The following PDHX variants were observed in gnomAD, a reference collection of about 807,000 sequenced individuals.
PDHX encodes pyruvate dehydrogenase protein X component, mitochondrial.
PDHX carries 33 observed loss-of-function variants against 55.3 expected under a neutral mutation model. The ratio of observed to expected loss-of-function variants is 0.60; its 90% CI spans 0.45 to 0.80. PDHX has a LOEUF of 0.80. PDHX is among the 30% of genes least tolerant of loss of function. The pLI is 0.00. For synonymous variants in PDHX, 226 were observed against 219.4 expected, an observed-to-expected ratio of 1.03 and a Z score of -0.27; for missense variants, 622 against 619.9, an observed-to-expected ratio of 1.00 and a Z score of -0.04.
chr11:34,950,408 G>A (rs935830749), intron 3 of PDHX, among the ~76,000 whole-genome samples: 6 of 148,696 alleles, frequency 4.0e-5, no homozygotes, highest in Middle Eastern at 3.5e-3. Context: ...AAGTTTTATG[G>A]TACATGTGCA....
At chr11:34,934,461 A>G (rs1036357927) in intron 2 of PDHX, among the ~76,000 whole-genome samples, 2 of 152,160 alleles carry the variant, frequency 1.3e-5, no homozygotes, top group Admixed American at 6.5e-5. Flanking sequence ...TATAGCATAC[A>G]AGAGATTTGA....
At chr11:34,992,596 G>C (rs1443412715) in intron 10 of PDHX, among the ~76,000 whole-genome samples, 1 of 152,088 alleles carries the variant, frequency 6.6e-6, no homozygotes, top group Non-Finnish European at 1.5e-5. Context: ...AACGTTCGTT[G>C]GACATTGACT....
chr11:34,927,331 A>G (rs1854050148), intron 1 of PDHX, among the ~76,000 whole-genome samples: 1 of 152,150 alleles, frequency 6.6e-6, no homozygotes, highest in Non-Finnish European at 1.5e-5. Flanking sequence ...AACTAATACT[A>G]GGAAACGTAA....
rs528738608 is a variant in PDHX at position 34,987,634 on chromosome 11, C to T, written c.1182+2906C>T. Among the ~76,000 whole-genome samples, 32 of 151,928 alleles carry T rather than the reference C, an allele frequency of 2.1e-4. No individual in the cohort carries two copies. The South Asian group carries it at 6.7e-3, about 32-fold the overall frequency. On this transcript the variant is annotated intron_variant, in intron 9 of 10. Transcript: ENST00000227868. ...GATTGTTTAAACGGTGGCTTAAAAA[C>T]TAAATATTTTAGATAGGCTCTATAG... is the stretch of plus-strand genomic sequence containing the variant.
chr11:34,959,369 C>T (rs921311558), intron 4 of PDHX, among the ~76,000 whole-genome samples: 19 of 150,686 alleles, frequency 1.3e-4, no homozygotes, highest in African/African-American at 3.4e-4. Flanking sequence ...CACAATGAGA[C>T]ACCCCTTCAT....
At chr11:34,957,731 T>G (rs879582652) in intron 4 of PDHX, 148 bp downstream of exon 4, 65 of 418,580 alleles carry the variant, frequency 1.6e-4, no homozygotes, top group African/African-American at 4.2e-4. Context: ...GAGTGTGTGT[T>G]TTTTTTTTTA....
intron 4 of PDHX, among the ~76,000 whole-genome samples, chr11:34,957,800 C>A (rs1200503752): frequency 6.6e-6 from 1 of 151,872 alleles, no homozygotes; most frequent in Non-Finnish European, 1.5e-5. Flanking sequence ...GTTCCAGGTA[C>A]TCTAAAAGCC....
At chr11:34,960,124 T>C (rs1160386137) in intron 4 of PDHX, among the ~76,000 whole-genome samples, 1 of 152,226 alleles carries the variant, frequency 6.6e-6, no homozygotes, top group Non-Finnish European at 1.5e-5. Context: ...CAATTGGTAG[T>C]TGTGATGAGC....
chr11:34,964,570 C>T (rs1855086599), intron 5 of PDHX, among the ~76,000 whole-genome samples: 2 of 152,176 alleles, frequency 1.3e-5, no homozygotes, highest in East Asian at 1.9e-4. Context: ...CGCCACTGCA[C>T]TCCAGCCTGG....
At chr11:34,964,279 T>C (rs576677262) in intron 5 of PDHX, among the ~76,000 whole-genome samples, 1 of 152,278 alleles carries the variant, frequency 6.6e-6, no homozygotes, top group South Asian at 2.1e-4. Context: ...ATAATTAAGA[T>C]TTATACTTCA....
intron 2 of PDHX, among the ~76,000 whole-genome samples, chr11:34,941,470 T>C (rs1428787508): frequency 6.6e-6 from 1 of 152,172 alleles, no homozygotes; most frequent in Non-Finnish European, 1.5e-5. Flanking sequence ...GAGTCAACAA[T>C]TGAATTATTT....
chr11:34,961,841 A>G (rs1397623325), intron 5 of PDHX, among the ~76,000 whole-genome samples: 1 of 152,224 alleles, frequency 6.6e-6, no homozygotes, highest in East Asian at 1.9e-4. Flanking sequence ...AACATCCCAG[A>G]CCATGGGATT....
intron 4 of PDHX, 77 bp downstream of exon 4, chr11:34,957,660 A>G (rs1854936370): frequency 8.9e-7 from 1 of 1,121,872 alleles, no homozygotes; most frequent in East Asian, 2.5e-5. Context: ...AATCATTATC[A>G]TATTCGCACA....
At position 34,957,384 on chromosome 11, in the gene PDHX, G is replaced by T; in HGVS notation, c.343G>T (p.Val115Phe). 6.3e-7 allele frequency: 1 copy of T among 1,583,748 alleles called. No homozygotes were observed. Among genetic ancestry groups the T allele is most frequent in the Non-Finnish European group, 8.7e-7 (1 of 1,152,520 alleles). The change falls in exon 4 of 11, where the codon GTT becomes TTT. Residue 115 changes from valine to phenylalanine, a missense_variant and splice_region_variant. Transcript: ENST00000227868. ...SDDGILAKIV[V>F]EEGSKNIRLG... ...ACAGTTACTTCTTTTTTAAATATAG[G>T]TTGAAGAAGGAAGTAAAAATATACG...
chr11:34,935,907 T>C (rs1259635568), intron 2 of PDHX, among the ~76,000 whole-genome samples: 1 of 152,200 alleles, frequency 6.6e-6, no homozygotes, highest in Admixed American at 6.5e-5. Context: ...ATGTCACTCA[T>C]ACAAATGTTG....
At chr11:34,959,256 AG>A (rs1854969098) in intron 4 of PDHX, among the ~76,000 whole-genome samples, 1 of 152,152 alleles carries the variant, frequency 6.6e-6, no homozygotes. Flanking sequence ...AAACAGGTGA[AG>A]AACTTTAATA....
In PDHX at chr11:34,995,083, A is replaced by G; in HGVS notation, c.1417A>G (p.Ser473Gly). ...CCAGCTCATAACAGTCACAATGTCA[A>G]GTGACAGTCGAGTGGTTGATGACGA... ...QRQLITVTMS[S>G]DSRVVDDELA... The change falls in exon 11 of 11, where the codon AGT becomes GGT. Residue 473 changes from serine to glycine, a missense_variant. By Grantham distance (56) the Ser-to-Gly change is moderately conservative (BLOSUM62 0). Coordinates refer to ENST00000227868, the MANE Select transcript of PDHX (RefSeq NM_003477.3). 1 of 1,614,010 alleles carries G rather than the reference A, an allele frequency of 6.2e-7. No homozygotes were observed. The highest frequency in any genetic ancestry group is 8.5e-7 in the Non-Finnish European group (1 of 1,179,892).
At chr11:34,974,370 C>G (rs11032959) in intron 7 of PDHX, among the ~76,000 whole-genome samples, 15,337 of 152,104 alleles carry the variant, frequency 0.1, 1,621 homozygotes, top group African/African-American at 0.27. Context: ...GAACAGTGTT[C>G]CATTGTATGT....
chr11:34,962,868 G>A (rs12099355), intron 5 of PDHX, among the ~76,000 whole-genome samples: 2,482 of 152,092 alleles, frequency 0.016, 65 homozygotes, highest in African/African-American at 0.057. Flanking sequence ...TAATATTAAT[G>A]AAACATTTCT....
Sources: allele counts gnomAD v4.1 joint callset (sites outside exome capture counted in the v4.1 genomes callset), GRCh38; gene constraint gnomAD v4.1.1; transcripts MANE v1.5; gene names NCBI Gene and HGNC (gene_info 2026-07-23, HGNC 2026-07-21).